Variants in GPI observed in about 807,000 individuals in gnomAD.
GPI encodes the protein glucose-6-phosphate isomerase.
In GPI, 56 loss-of-function variants were observed where a neutral mutation model predicts 75.8. The ratio of observed to expected loss-of-function variants is 0.74; its 90% CI spans 0.60 to 0.92. GPI has a LOEUF of 0.92. GPI is among the 40% of genes least tolerant of loss of function. The probability of loss-of-function intolerance (pLI) is 0.00; values close to 1 mark genes in which losing one functional copy is unlikely to be tolerated. For synonymous variants in GPI, 288 were observed against 285.4 expected (o/e 1.01, Z -0.09); for missense variants, 638 against 741.0 (o/e 0.86, Z 1.61).
intron 3 of GPI, among the ~76,000 whole-genome samples, chr19:34,367,800 C>G (rs1205478028): frequency 6.6e-6 from 1 of 152,212 alleles, no homozygotes; most frequent in South Asian, 2.1e-4. Flanking sequence ...GAGTTGCATG[C>G]CTTGCTGCAA....
At chr19:34,389,861 A>G (rs1256607615) in intron 9 of GPI, among the ~76,000 whole-genome samples, 1 of 151,908 alleles carries the variant, frequency 6.6e-6, no homozygotes, top group African/African-American at 2.4e-5. Context: ...TCTCTCCCAC[A>G]CTCTGTGTCC....
chr19:34,364,346 C>T (rs1480131184), upstream of GPI, among the ~76,000 whole-genome samples: 3 of 151,356 alleles, frequency 2.0e-5, no homozygotes, highest in Admixed American at 1.3e-4. Context: ...CAAGGTCTTA[C>T]GTGATCTTGT....
Position 34,393,914 on chromosome 19 carries a change from G to T in GPI, c.910G>T (p.Asp304Tyr). 6.2e-7 allele frequency: 1 copy of T among 1,613,528 alleles called. No individual in the cohort carries two copies. Among genetic ancestry groups the T allele is most frequent in the Non-Finnish European group, 8.5e-7 (1 of 1,179,968 alleles). ...EQLLSGAHWM[D>Y]QHFRTTPLEK... ...CCCACTCATCCTGCTCCTGTTTCAGGACCAGCACTTCCGCACGACGCCCCT... is the reference window on the plus strand; with the variant it reads ...CCCACTCATCCTGCTCCTGTTTCAGTACCAGCACTTCCGCACGACGCCCCT... The change falls in exon 12 of 18, where the codon GAC becomes TAC. Residue 304 changes from aspartate (D) to tyrosine (Y), a missense_variant and splice_region_variant. Asp to Tyr is a radical substitution (Grantham distance 160). Coordinates refer to ENST00000356487, the MANE Select transcript of GPI (RefSeq NM_000175.5). This position sits in a 1 kb window ranked among gnomAD's most constrained non-coding sequence, Gnocchi z 4.4.
chr19:34,373,266 A>G (rs1000311793), intron 4 of GPI, among the ~76,000 whole-genome samples: 3 of 151,698 alleles, frequency 2.0e-5, no homozygotes, highest in Admixed American at 2.0e-4. Flanking sequence ...GCAGGCGCCC[A>G]TAATTCCAGC....
chr19:34,396,961 C>G (rs934529175), intron 14 of GPI, among the ~76,000 whole-genome samples: 5 of 152,164 alleles, frequency 3.3e-5, no homozygotes, highest in African/African-American at 1.2e-4. Flanking sequence ...CTGGCACTCA[C>G]CACCATGGCC....
intron 6 of GPI, 90 bp downstream of exon 6, chr19:34,377,971 C>A: frequency 7.3e-7 from 1 of 1,371,646 alleles, no homozygotes. Flanking sequence ...GGCCATTGGT[C>A]CCTTTTGGTG....
chr19:34,376,989 ACT>A (rs910988214), intron 4 of GPI, among the ~76,000 whole-genome samples: 1 of 148,284 alleles, frequency 6.7e-6, no homozygotes, highest in Non-Finnish European at 1.5e-5. Flanking sequence ...GAAAGTGGAG[ACT>A]CTGTCTCAAA....
intron 2 of GPI, 123 bp downstream of exon 2, chr19:34,366,558 C>T: frequency 2.5e-6 from 2 of 801,072 alleles, no homozygotes; most frequent in East Asian, 2.4e-5. Flanking sequence ...TCAGTCACCT[C>T]CTCTGTGCTG....
rs150026486 is a variant in GPI, at chr19:34,386,494, G to A, written c.804+4975G>A. ...TAGTCTCTTGAAGGAGAGCTGAGGA[G>A]TTAGGTTGAATGCAGGTAGATAGAG... On this transcript the variant is annotated intron_variant, in intron 9 of 17. Coordinates refer to ENST00000356487, the MANE Select transcript of GPI (RefSeq NM_000175.5). 8.7e-4 allele frequency among the ~76,000 whole-genome samples: 133 copies of A among 152,314 alleles called. 1 individual carries two copies. Among genetic ancestry groups the A allele is most frequent in the African/African-American group, 3.1e-3 (129 of 41,580 alleles).
chr19:34,363,308 A>T (rs2074311677), upstream of GPI: 1 of 128,876 alleles, frequency 7.8e-6, no homozygotes, highest in Non-Finnish European at 1.7e-5. Context: ...ACCCTGTCTC[A>T]AAAAAAAAAA....
chr19:34,368,431 G>C (rs2074398763), intron 3 of GPI, 152 bp from the exon 4 acceptor site: 1 of 768,934 alleles, frequency 1.3e-6, no homozygotes, highest in South Asian at 1.7e-5. Context: ...AGCATACAGT[G>C]GGTTCTTGGA....
intron 4 of GPI, among the ~76,000 whole-genome samples, chr19:34,377,084 C>T (rs1212145894): frequency 8.6e-5 from 13 of 151,426 alleles, no homozygotes; most frequent in African/African-American, 2.4e-5. Context: ...GGGCAGATCA[C>T]AGGGTCAGGA....
chr19:34,393,829 T>C lies in GPI; in HGVS notation c.909+58T>C. 6.2e-7 allele frequency: 1 copy of C among 1,606,332 alleles called. No homozygotes were observed. Among genetic ancestry groups the C allele is most frequent in the South Asian group, 1.1e-5 (1 of 90,948 alleles). ...TGGCCAGAGGCGCGTGTGTTGGTCCTGGTCCCCCGCTTTCTCCCCCACTGT... is the reference window on the plus strand; with the variant it reads ...TGGCCAGAGGCGCGTGTGTTGGTCCCGGTCCCCCGCTTTCTCCCCCACTGT... On this transcript the variant is annotated intron_variant, in intron 11 of 17. Coordinates refer to ENST00000356487, the MANE Select transcript of GPI (RefSeq NM_000175.5). This position sits in a 1 kb window ranked among gnomAD's most constrained non-coding sequence, Gnocchi z 4.4.
intron 3 of GPI, 56 bp from the exon 4 acceptor site, chr19:34,368,527 G>A: frequency 2.5e-6 from 4 of 1,608,170 alleles, no homozygotes; most frequent in South Asian, 1.1e-5. Context: ...CCAGCTGGGA[G>A]CATGGCTGCC....
intron 9 of GPI, chr19:34,392,205 C>CATATCTGAGGAGGTAGGATCTGGGTCTGT (rs2074860907): frequency 1.7e-4 from 2 of 11,466 alleles, no homozygotes; most frequent in Non-Finnish European, 2.0e-4. Flanking sequence ...TGGATCTGGC[C>CATATCTGAGGAGGTAGGATCTGGGTCTGT]CCCTTATGAG....
At chr19:34,377,301 C>CG (rs2074553942) in intron 4 of GPI, among the ~76,000 whole-genome samples, 1 of 15,470 alleles carries the variant, frequency 6.5e-5, no homozygotes, top group Non-Finnish European at 9.9e-5. Flanking sequence ...GGCTTCATCT[C>CG]AAAAAAAAAA....
rs139382538 is a variant in GPI, at chr19:34,396,404, A to G, written c.1166A>G (p.His389Arg). 1.9e-6 allele frequency: 3 copies of G among 1,614,078 alleles called. No homozygotes were observed. Among genetic ancestry groups the G allele is most frequent in the Non-Finnish European group, 2.5e-6 (3 of 1,180,028 alleles). ...GGGGAGCCAGGGACCAATGGCCAGC[A>G]TGCTTTTTACCAGCTCATCCACCAA... ...VWGEPGTNGQ[H>R]AFYQLIHQGT... Residue 389 changes from histidine (H) to arginine (R), a missense_variant, in exon 13 of 18, where the codon CAT (histidine) becomes CGT (arginine). His to Arg is a conservative substitution (Grantham distance 29). Coordinates refer to ENST00000356487, the MANE Select transcript of GPI (RefSeq NM_000175.5).
At chr19:34,396,462 T>TG (rs1024157413) in intron 13 of GPI, 32 bp downstream of exon 13, 4 of 1,613,676 alleles carry the variant, frequency 2.5e-6, no homozygotes, top group South Asian at 1.1e-5. Flanking sequence ...AGGGTGATGT[T>TG]GGGGGAGGGA....
upstream of GPI, chr19:34,363,512 T>C (rs981684674): frequency 2.0e-5 from 3 of 151,686 alleles, no homozygotes; most frequent in South Asian, 2.1e-4. Context: ...AAAACCCTGA[T>C]TGGAGTGTTT....
Sources: gnomAD v4.1 joint callset for allele counts (sites outside exome capture counted in the v4.1 genomes callset) on GRCh38, gnomAD v4.1.1 for gene constraint, Gnocchi (gnomAD v3.1) non-coding constraint, MANE v1.5 for transcripts, NCBI Gene and HGNC (gene_info 2026-07-23, HGNC 2026-07-21) for gene names.